FAM120A: variants seen among roughly 807,000 people sequenced by gnomAD.
FAM120A encodes constitutive coactivator of PPAR-gamma-like protein 1.
Under a neutral mutation model 109.7 loss-of-function variants are expected in FAM120A, and 15 were observed. The ratio of observed to expected loss-of-function variants is 0.14; its 90% CI spans 0.09 to 0.21. The LOEUF (loss-of-function observed/expected upper bound fraction) is 0.21. Ranked by LOEUF, FAM120A falls within the 10% of genes least tolerant of loss-of-function variation. FAM120A has a pLI of 1.00. For missense variants in FAM120A, 899 were observed against 1,439.3 expected, an observed-to-expected ratio of 0.62 and a Z score of 6.07; for synonymous variants, 493 against 572.8, an observed-to-expected ratio of 0.86 and a Z score of 1.99.
chr9:93,453,383 C>A (rs1857379576), intron 1 of FAM120A: 1 of 985,370 alleles, frequency 1.0e-6, no homozygotes, highest in East Asian at 1.1e-4. Context: ...TCCTGGACTT[C>A]ACGTTCTGAT....
intron 11 of FAM120A, among the ~76,000 whole-genome samples, chr9:93,549,825 C>T (rs1862031374): frequency 1.3e-5 from 2 of 152,186 alleles, no homozygotes; most frequent in South Asian, 4.1e-4. Flanking sequence ...ATGACTAAGT[C>T]ATTATAGTTA....
intron 15 of FAM120A, 135 bp downstream of exon 15, chr9:93,558,853 C>G (rs1278784742): frequency 2.0e-6 from 2 of 1,004,558 alleles, no homozygotes; most frequent in African/African-American, 1.6e-5. Flanking sequence ...GGTCCCCGCT[C>G]TGACCCTCAT....
chr9:93,485,101 C>T (rs1588823920), intron 3 of FAM120A, among the ~76,000 whole-genome samples: 1 of 152,228 alleles, frequency 6.6e-6, no homozygotes, highest in East Asian at 1.9e-4. Context: ...ATGTCCTAGT[C>T]CTAGTCCTAT....
Position 93,452,438 on chromosome 9 carries a change from C to G in FAM120A, c.474+49C>G, listed in dbSNP as rs544670498. ...CCGGGGACCGGGGCCGCGCCGCACC[C>G]CTATCCCCCTTCCCAGGGCGCAGAA... On this transcript the variant is annotated intron_variant, in intron 1 of 17. Coordinates refer to ENST00000277165, the MANE Select transcript of FAM120A (RefSeq NM_014612.5). The surrounding 1 kb of genome is among the most constrained non-coding windows in gnomAD (Gnocchi z 7.0). 36 of 1,563,120 alleles carry G rather than the reference C, an allele frequency of 2.3e-5. No individual in the cohort carries two copies. In the African/African-American group the frequency reaches 2.8e-4, roughly 12 times the overall value.
chr9:93,501,488 G>A (rs1238013284), intron 5 of FAM120A, among the ~76,000 whole-genome samples: 1 of 152,166 alleles, frequency 6.6e-6, no homozygotes, highest in Non-Finnish European at 1.5e-5. Flanking sequence ...ATGGAGAACA[G>A]CAAAGTAACT....
At chr9:93,561,069 G>A (rs1049834298) in intron 15 of FAM120A, 40 bp from the exon 16 acceptor site, 1 of 1,604,778 alleles carries the variant, frequency 6.2e-7, no homozygotes, top group Non-Finnish European at 8.5e-7. Context: ...TTAATTCTGT[G>A]ATTGTAAAGA....
At chr9:93,477,054 G>A (rs568402045) in intron 3 of FAM120A, among the ~76,000 whole-genome samples, 3 of 152,210 alleles carry the variant, frequency 2.0e-5, no homozygotes, top group East Asian at 3.9e-4. Flanking sequence ...CTTGACTTGG[G>A]GAATTAGGAA....
At chr9:93,467,883 G>A (rs1289404766) in intron 1 of FAM120A, among the ~76,000 whole-genome samples, 1 of 151,606 alleles carries the variant, frequency 6.6e-6, no homozygotes, top group Non-Finnish European at 1.5e-5. Flanking sequence ...TATTTTTTTT[G>A]GTTTCTTTTT....
At chr9:93,485,301 AAC>A (rs1353925054) in intron 3 of FAM120A, among the ~76,000 whole-genome samples, 1 of 152,098 alleles carries the variant, frequency 6.6e-6, no homozygotes, top group African/African-American at 2.4e-5. Context: ...CTTGGTCAGA[AAC>A]AGAGGGCTTG....
chr9:93,456,893 T>G (rs1857571139), intron 1 of FAM120A, among the ~76,000 whole-genome samples: 1 of 152,240 alleles, frequency 6.6e-6, no homozygotes, highest in Non-Finnish European at 1.5e-5. Flanking sequence ...ACAGTACATC[T>G]TATTCTTAAG....
chr9:93,454,651 G>A (rs950736145), intron 1 of FAM120A, among the ~76,000 whole-genome samples: 2 of 152,136 alleles, frequency 1.3e-5, no homozygotes, highest in African/African-American at 2.4e-5. Flanking sequence ...ATAATTCTGG[G>A]GCTATTTTAA....
At chr9:93,561,912 A>G (rs1862481898) in intron 16 of FAM120A, among the ~76,000 whole-genome samples, 1 of 152,190 alleles carries the variant, frequency 6.6e-6, no homozygotes, top group Non-Finnish European at 1.5e-5. Flanking sequence ...AATGCATTGG[A>G]TATGAACCAA....
At chr9:93,460,281 A>G (rs1857731214) in intron 1 of FAM120A, among the ~76,000 whole-genome samples, 1 of 152,250 alleles carries the variant, frequency 6.6e-6, no homozygotes, top group Admixed American at 6.5e-5. Flanking sequence ...TAAATGAATC[A>G]CAGTTCAGAT....
intron 1 of FAM120A, among the ~76,000 whole-genome samples, chr9:93,470,830 AT>A (rs1380869077): frequency 6.6e-6 from 1 of 151,798 alleles, no homozygotes; most frequent in African/African-American, 2.4e-5. Flanking sequence ...AAATACTGTC[AT>A]GGGGTCAGCT....
At chr9:93,488,790 ACATCC>A (rs1342175930) in intron 3 of FAM120A, among the ~76,000 whole-genome samples, 1 of 152,076 alleles carries the variant, frequency 6.6e-6, no homozygotes, top group Non-Finnish European at 1.5e-5. Flanking sequence ...CTGAATTGCC[ACATCC>A]TCTCCTTACT....
rs902307850 is a variant in FAM120A at position 93,526,052 on chromosome 9, G to A, written c.1419-1103G>A. On this transcript the variant is annotated intron_variant, in intron 7 of 17. Transcript: ENST00000277165. ...ACCTCTCCATCTGTCATGTGAGTCA[G>A]TTACAAAGGCAGGCCAGTTGACCCA... Among the ~76,000 whole-genome samples the A allele has an allele frequency of 3.9e-5, 6 of 152,342 alleles. No homozygotes were observed. The South Asian group carries it at 1.2e-3, about 32-fold the overall frequency.
chr9:93,455,547 G>T (rs1267928304), intron 1 of FAM120A, among the ~76,000 whole-genome samples: 1 of 152,198 alleles, frequency 6.6e-6, no homozygotes, highest in African/African-American at 2.4e-5. Flanking sequence ...GAACAATTCA[G>T]TATATATAAT....
rs1424298667 is a variant in FAM120A, at chr9:93,471,144, G to T, written c.478G>T (p.Ala160Ser). ...AAGTTTTTTTCTCGTTTGCCAGGTT[G>T]CACAGAGCATTGAGGATCACCATCA... Reference protein sequence around the residue: ...LALIRFHVKVAQSIEDHHQEV... With the variant: ...LALIRFHVKVSQSIEDHHQEV... The change falls in exon 2 of 18, where the codon GCA becomes TCA. Residue 160 changes from alanine to serine, a missense_variant. By Grantham distance (99) the Ala-to-Ser change is moderately conservative (BLOSUM62 1). This residue lies in a region of FAM120A where 258 missense variants were observed against 451.4 expected (regional missense o/e 0.57). Transcript: ENST00000277165. 1 of 1,613,976 alleles carries T rather than the reference G, an allele frequency of 6.2e-7. No individual in the cohort carries two copies. Among genetic ancestry groups the T allele is most frequent in the African/African-American group, 1.3e-5 (1 of 74,912 alleles).
At chr9:93,544,552 C>T (rs1224845244) in intron 11 of FAM120A, among the ~76,000 whole-genome samples, 1 of 152,194 alleles carries the variant, frequency 6.6e-6, no homozygotes, top group East Asian at 1.9e-4. Context: ...GAACTTCAAA[C>T]ATAGAGAAAA....
Sources: allele counts gnomAD v4.1 joint callset (sites outside exome capture counted in the v4.1 genomes callset), GRCh38; gene constraint gnomAD v4.1.1; regional missense constraint gnomAD v4.1.1; non-coding constraint Gnocchi (gnomAD v3.1); transcripts MANE v1.5; gene names NCBI Gene and HGNC (gene_info 2026-07-23, HGNC 2026-07-21).